The following DPP10 variants were observed in gnomAD, a reference collection of about 807,000 sequenced individuals.
DPP10 encodes inactive dipeptidyl peptidase 10.
DPP10 carries 33 observed loss-of-function variants against 120.9 expected under a neutral mutation model. The ratio of observed to expected loss-of-function variants is 0.27; its 90% CI spans 0.21 to 0.37. The LOEUF (loss-of-function observed/expected upper bound fraction) is 0.37, where lower values mean the gene tolerates loss of function less well. Ranked by LOEUF, DPP10 falls within the 10% of genes least tolerant of loss-of-function variation. The probability of loss-of-function intolerance (pLI) is 1.00; values close to 1 mark genes in which losing one functional copy is unlikely to be tolerated. For missense variants in DPP10, 816 were observed against 942.8 expected (o/e 0.87, Z 1.76); for synonymous variants, 337 against 326.1 (o/e 1.03, Z -0.36).
chr2:115,318,755 T>C (rs2061919478), intron 2 of DPP10, among the ~76,000 whole-genome samples: 1 of 152,172 alleles, frequency 6.6e-6, no homozygotes, highest in African/African-American at 2.4e-5. Flanking sequence ...TTGTTTAGTG[T>C]TGACCTTGTA....
chr2:115,759,320 A>G (rs1223060973), intron 11 of DPP10, among the ~76,000 whole-genome samples: 1 of 151,894 alleles, frequency 6.6e-6, no homozygotes, highest in African/African-American at 2.4e-5. Context: ...GTTATTTGGG[A>G]GGCTGACATG....
At chr2:115,031,918 G>A (rs967786870) in intron 1 of DPP10, among the ~76,000 whole-genome samples, 5 of 151,938 alleles carry the variant, frequency 3.3e-5, no homozygotes, top group East Asian at 1.9e-4. Context: ...AATATACTAC[G>A]ACAATAATAG....
intron 1 of DPP10, among the ~76,000 whole-genome samples, chr2:114,823,903 C>A (rs1422421240): frequency 4.6e-5 from 7 of 152,170 alleles, no homozygotes; most frequent in Non-Finnish European, 8.8e-5. Context: ...AACTCAGTCT[C>A]TAAGGGTTTC....
intron 1 of DPP10, among the ~76,000 whole-genome samples, chr2:114,803,678 A>G (rs1684464035): frequency 6.6e-6 from 1 of 152,154 alleles, no homozygotes; most frequent in East Asian, 1.9e-4. Context: ...TGAACTTGAG[A>G]AAGATGATTT....
chr2:115,536,251 C>A (rs1449864976), intron 5 of DPP10, among the ~76,000 whole-genome samples: 1 of 151,846 alleles, frequency 6.6e-6, no homozygotes, highest in African/African-American at 2.4e-5. Context: ...CACTTATAGA[C>A]AAAATTATAA....
intron 19 of DPP10, among the ~76,000 whole-genome samples, chr2:115,800,788 G>A (rs1451431770): frequency 3.3e-5 from 5 of 152,052 alleles, no homozygotes; most frequent in Non-Finnish European, 7.4e-5. Context: ...TGTTCCATTG[G>A]TCTATATCTC....
intron 1 of DPP10, among the ~76,000 whole-genome samples, chr2:114,820,727 G>C (rs577719815): frequency 6.6e-6 from 1 of 152,222 alleles, no homozygotes; most frequent in African/African-American, 2.4e-5. Flanking sequence ...GAACAGCATG[G>C]GGGAACTGCC....
At chr2:114,941,617 C>G (rs1461520163) in intron 1 of DPP10, among the ~76,000 whole-genome samples, 1 of 152,116 alleles carries the variant, frequency 6.6e-6, no homozygotes, top group East Asian at 1.9e-4. Flanking sequence ...TAATATAGTT[C>G]AGTGATCCTG....
intron 3 of DPP10, among the ~76,000 whole-genome samples, chr2:115,383,704 A>G (rs2066616175): frequency 6.6e-6 from 1 of 152,256 alleles, no homozygotes; most frequent in Admixed American, 6.5e-5. Flanking sequence ...AATTTGATTT[A>G]TAATGTGTTT....
intron 3 of DPP10, among the ~76,000 whole-genome samples, chr2:115,405,048 A>G (rs2068406408): frequency 6.6e-6 from 1 of 152,194 alleles, no homozygotes; most frequent in African/African-American, 2.4e-5. Context: ...TTTTCAACCC[A>G]TTTCAATAGT....
chr2:115,810,520 A>G (rs1686522391), intron 19 of DPP10, among the ~76,000 whole-genome samples: 1 of 152,114 alleles, frequency 6.6e-6, no homozygotes, highest in African/African-American at 2.4e-5. Flanking sequence ...CATTTTTTCT[A>G]TATTTTATTA....
intron 1 of DPP10, among the ~76,000 whole-genome samples, chr2:114,763,991 C>T (rs1297081313): frequency 6.6e-6 from 1 of 152,128 alleles, no homozygotes. Context: ...GGCTCTTTTG[C>T]AGAAAGAAAT....
intron 11 of DPP10, among the ~76,000 whole-genome samples, chr2:115,754,260 A>G (rs2149756240): frequency 6.6e-6 from 1 of 152,240 alleles, no homozygotes; most frequent in South Asian, 2.1e-4. Context: ...GGGACCAGAG[A>G]AGTTGGAGCT....
chr2:115,011,708 A>T (rs1056636738), intron 1 of DPP10, among the ~76,000 whole-genome samples: 5 of 152,124 alleles, frequency 3.3e-5, no homozygotes, highest in African/African-American at 1.2e-4. Flanking sequence ...ACAGAGCAGG[A>T]TGTGGAGGCT....
In DPP10 at chr2:115,739,646, T is replaced by C. The variant is rs955613357; in HGVS notation, c.698-93T>C. The C allele has an allele frequency of 9.3e-6, 12 of 1,285,982 alleles. No homozygotes were observed. In the African/African-American group the frequency reaches 1.5e-4, roughly 16 times the overall value. 79.7% of individuals were successfully genotyped at this position (1,285,982 alleles called of 1,614,324 possible). ...AATTCAATACACAGTCTAGAAAATA[T>C]AGGTGTACAATGGAGATTTCAAGGA... On this transcript the variant is annotated intron_variant, in intron 8 of 25. Coordinates refer to ENST00000410059, the MANE Select transcript of DPP10 (RefSeq NM_020868.6).
chr2:115,670,108 A>G (rs941577364), intron 5 of DPP10, among the ~76,000 whole-genome samples: 4 of 152,030 alleles, frequency 2.6e-5, no homozygotes, highest in African/African-American at 9.7e-5. Context: ...TTGGATCTTC[A>G]CATAACAGAG....
At chr2:115,565,430 A>C (rs1434826754) in intron 5 of DPP10, among the ~76,000 whole-genome samples, 8 of 152,242 alleles carry the variant, frequency 5.3e-5, no homozygotes, top group Admixed American at 1.3e-4. Context: ...AATGGCATTC[A>C]CTTAAAAATC....
intron 3 of DPP10, among the ~76,000 whole-genome samples, chr2:115,478,180 C>G (rs116738346): frequency 0.011 from 1,741 of 152,206 alleles, 27 homozygotes; most frequent in African/African-American, 0.039. Context: ...GGAGAAACAG[C>G]CAAACCACAT....
chr2:114,885,582 C>T (rs1380313450), intron 1 of DPP10, among the ~76,000 whole-genome samples: 1 of 152,198 alleles, frequency 6.6e-6, no homozygotes, highest in Admixed American at 6.5e-5. Flanking sequence ...ATTTATTACA[C>T]ACACTCAGTG....
Sources: gnomAD v4.1 joint callset for allele counts (sites outside exome capture counted in the v4.1 genomes callset) on GRCh38, gnomAD v4.1.1 for gene constraint, MANE v1.5 for transcripts, NCBI Gene and HGNC (gene_info 2026-07-23, HGNC 2026-07-21) for gene names.